The following TRIM44 variants were observed in gnomAD, a reference collection of about 807,000 sequenced individuals.
TRIM44 encodes tripartite motif-containing protein 44.
TRIM44 carries 13 observed loss-of-function variants against 37.4 expected under a neutral mutation model. The ratio of observed to expected loss-of-function variants is 0.35; its 90% CI spans 0.23 to 0.55. The LOEUF (loss-of-function observed/expected upper bound fraction) is 0.55. Among genes scored for constraint, TRIM44 ranks in the 20% least tolerant of loss-of-function variants. The pLI is 0.89. For synonymous variants in TRIM44, 175 were observed against 157.2 expected, an observed-to-expected ratio of 1.11 and a Z score of -0.85; for missense variants, 426 against 437.2, an observed-to-expected ratio of 0.97 and a Z score of 0.23.
At chr11:35,785,587 G>A (rs1853121118) in intron 4 of TRIM44, among the ~76,000 whole-genome samples, 1 of 152,188 alleles carries the variant, frequency 6.6e-6, no homozygotes. Flanking sequence ...TCTTTATGGT[G>A]GACAGCAGGA....
At chr11:35,744,628 G>A (rs902734834) in intron 4 of TRIM44, among the ~76,000 whole-genome samples, 5 of 151,912 alleles carry the variant, frequency 3.3e-5, no homozygotes, top group African/African-American at 1.2e-4. Context: ...ATAGGTAAAC[G>A]TGTGCCATGC....
chr11:35,686,472 T>C (rs1028833699), intron 2 of TRIM44, among the ~76,000 whole-genome samples: 5 of 152,012 alleles, frequency 3.3e-5, no homozygotes, highest in Admixed American at 2.6e-4. Context: ...TACTAAAATA[T>C]ACATACAAAA....
chr11:35,809,828 T>C lies in TRIM44; in HGVS notation c.*3443T>C, dbSNP rs1232246285. On this transcript the variant is annotated 3_prime_UTR_variant, in exon 5 of 5. Coordinates refer to ENST00000299413, the MANE Select transcript of TRIM44 (RefSeq NM_017583.6). The stretch of plus-strand genomic sequence containing the variant: ...TGTGTGTCGGGGGAGTGTGTACCTA[T>C]ATATAAAGGACAAGTGTGATATGTG... 6.6e-6 allele frequency: 1 copy of C among 152,082 alleles called. No individual in the cohort carries two copies. Among genetic ancestry groups the C allele is most frequent in the Non-Finnish European group, 1.5e-5 (1 of 67,992 alleles). The allele number at this position is 152,082 out of a possible 1,614,324, so 9.4% of individuals were successfully genotyped here.
intron 1 of TRIM44, among the ~76,000 whole-genome samples, chr11:35,665,208 T>G (rs1047984617): frequency 3.3e-5 from 5 of 152,168 alleles, no homozygotes; most frequent in African/African-American, 1.2e-4. Context: ...TGGTCATGTC[T>G]CGGTGTACAT....
At chr11:35,750,976 A>G (rs1045261840) in intron 4 of TRIM44, among the ~76,000 whole-genome samples, 4 of 152,208 alleles carry the variant, frequency 2.6e-5, no homozygotes, top group Admixed American at 2.6e-4. Context: ...CCATTTAAAA[A>G]ATATCACCAT....
rs566882238 is a variant in TRIM44 at position 35,776,569 on chromosome 11, C to A, written c.1008-29789C>A. Among the ~76,000 whole-genome samples, 75 of 152,292 alleles carry A rather than the reference C, an allele frequency of 4.9e-4. 1 individual carries two copies. The highest frequency in any genetic ancestry group is 1.7e-3 in the African/African-American group (72 of 41,552). On this transcript the variant is annotated intron_variant, in intron 4 of 4. Coordinates refer to ENST00000299413, the MANE Select transcript of TRIM44 (RefSeq NM_017583.6). The stretch of plus-strand genomic sequence containing the variant: ...TGATGTTAGGGTGTCAATTTTAGAT[C>A]TTTCCTGCTTTCTCTTGTGGGCATT...
chr11:35,735,404 T>C (rs574535449), intron 3 of TRIM44, 22 bp from the exon 4 acceptor site: 2 of 1,613,344 alleles, frequency 1.2e-6, no homozygotes. Flanking sequence ...TCTAATACTG[T>C]TTCTTTCTGT....
intron 1 of TRIM44, among the ~76,000 whole-genome samples, chr11:35,677,308 T>C (rs1370514407): frequency 6.6e-6 from 1 of 152,114 alleles, no homozygotes; most frequent in Non-Finnish European, 1.5e-5. Context: ...TTATTTTCTA[T>C]ATGAAGGCAT....
chr11:35,795,986 A>G (rs1302691462), intron 4 of TRIM44, among the ~76,000 whole-genome samples: 3 of 152,198 alleles, frequency 2.0e-5, no homozygotes, highest in Non-Finnish European at 4.4e-5. Flanking sequence ...TAGGTACTAC[A>G]TTGTCCACTA....
chr11:35,755,446 C>T (rs1046031544), intron 4 of TRIM44, among the ~76,000 whole-genome samples: 6 of 152,040 alleles, frequency 3.9e-5, no homozygotes, highest in Admixed American at 6.5e-5. Context: ...ATCTCCCATT[C>T]TGTAGGTTGC....
chr11:35,729,448 T>G (rs1007759684), intron 3 of TRIM44, among the ~76,000 whole-genome samples: 2 of 152,158 alleles, frequency 1.3e-5, no homozygotes, highest in Non-Finnish European at 2.9e-5. Context: ...CCTGCAGTAA[T>G]AGTACGGAGG....
rs1284732878 is a variant in TRIM44 at position 35,810,205 on chromosome 11, G to A, written c.*3820G>A. On this transcript the variant is annotated 3_prime_UTR_variant, in exon 5 of 5. Transcript: ENST00000299413. ...AGTTAGACCTAAGGGCACAAATGCA[G>A]AATTCATGACCTTGTAGTTGTGGCA... The A allele has an allele frequency of 1.3e-5, 2 of 152,152 alleles. No individual in the cohort carries two copies. Among genetic ancestry groups the A allele is most frequent in the Non-Finnish European group, 2.9e-5 (2 of 68,022 alleles). The allele number at this position is 152,152 out of a possible 1,614,324, so 9.4% of individuals were successfully genotyped here.
chr11:35,712,720 C>T (rs955563272), intron 2 of TRIM44, among the ~76,000 whole-genome samples: 1 of 152,172 alleles, frequency 6.6e-6, no homozygotes, highest in Non-Finnish European at 1.5e-5. Context: ...GGGCTGATTA[C>T]ACAGCGAACC....
At chr11:35,761,405 C>CTCTCTCTA (rs1554935237) in intron 4 of TRIM44, among the ~76,000 whole-genome samples, 2 of 150,278 alleles carry the variant, frequency 1.3e-5, no homozygotes, top group Non-Finnish European at 1.5e-5. Context: ...CTCTCTCTCT[C>CTCTCTCTA]TATATATATA....
intron 2 of TRIM44, among the ~76,000 whole-genome samples, chr11:35,705,934 A>C (rs1452964448): frequency 6.7e-6 from 1 of 149,024 alleles, no homozygotes; most frequent in African/African-American, 2.4e-5. Context: ...AAGGAAACAG[A>C]GACACAAAAA....
chr11:35,754,057 A>G (rs1852592180), intron 4 of TRIM44, among the ~76,000 whole-genome samples: 1 of 136,456 alleles, frequency 7.3e-6, no homozygotes, highest in South Asian at 2.1e-4. Context: ...TAAAAAAAAA[A>G]AGAAAAAAAG....
intron 4 of TRIM44, among the ~76,000 whole-genome samples, chr11:35,745,164 T>C (rs1450742003): frequency 6.6e-6 from 1 of 152,198 alleles, no homozygotes; most frequent in Non-Finnish European, 1.5e-5. Flanking sequence ...CCACAATGGT[T>C]GAAGTAATTT....
chr11:35,720,897 T>C (rs1487702968), intron 2 of TRIM44, among the ~76,000 whole-genome samples: 1 of 151,742 alleles, frequency 6.6e-6, no homozygotes, highest in Non-Finnish European at 1.5e-5. Context: ...ATTTATGTCA[T>C]GGTATATAAT....
At chr11:35,676,619 G>A (rs775324002) in intron 1 of TRIM44, among the ~76,000 whole-genome samples, 15 of 152,180 alleles carry the variant, frequency 9.9e-5, no homozygotes, top group Non-Finnish European at 1.6e-4. Context: ...GCAGAGGGGA[G>A]GTGGGGACAA....
Sources: gnomAD v4.1 joint callset for allele counts (sites outside exome capture counted in the v4.1 genomes callset) on GRCh38, gnomAD v4.1.1 for gene constraint, MANE v1.5 for transcripts, NCBI Gene and HGNC (gene_info 2026-07-23, HGNC 2026-07-21) for gene names.